Variants in ERP44 observed in about 807,000 individuals in gnomAD.
ERP44 encodes endoplasmic reticulum protein 44.
ERP44 carries 25 observed loss-of-function variants against 53.4 expected under a neutral mutation model. That is an observed-to-expected ratio of 0.47 (90% confidence interval 0.34 to 0.65). The LOEUF is 0.65. Ranked by LOEUF, ERP44 falls within the 30% of genes least tolerant of loss-of-function variation. The pLI is 0.01. For synonymous variants in ERP44, 145 were observed against 161.2 expected (o/e 0.90, Z 0.76); for missense variants, 338 against 493.2 (o/e 0.69, Z 2.98).
chr9:100,055,735 C>T (rs753156387), intron 3 of ERP44, among the ~76,000 whole-genome samples: 15 of 152,130 alleles, frequency 9.9e-5, no homozygotes, highest in Non-Finnish European at 2.2e-4. Flanking sequence ...ATATATATAC[C>T]TACTATGTTC....
At position 100,016,187 on chromosome 9, in the gene ERP44, C is replaced by T; in HGVS notation, c.762+135G>A. ...GAATCACTGGTGTATATTACAGAAACAGCTATGATATAGTTATGTTCACTA... is the reference window on the plus strand; with the variant it reads ...GAATCACTGGTGTATATTACAGAAATAGCTATGATATAGTTATGTTCACTA... On this transcript the variant is annotated intron_variant, in intron 8 of 11. Coordinates refer to ENST00000262455, the MANE Select transcript of ERP44 (RefSeq NM_015051.3). 3 of 1,319,572 alleles carry T rather than the reference C, an allele frequency of 2.3e-6. 1 individual carries two copies. In the Middle Eastern group the frequency reaches 7.1e-4, roughly 313 times the overall value. The allele number at this position is 1,319,572 out of a possible 1,614,324, so 81.7% of individuals were successfully genotyped here.
chr9:100,030,810 G>T (rs1372037015), intron 4 of ERP44, among the ~76,000 whole-genome samples: 1 of 152,170 alleles, frequency 6.6e-6, no homozygotes, highest in Non-Finnish European at 1.5e-5. Flanking sequence ...CTGAACTTTT[G>T]ATTGAGTGTC....
At position 100,098,992 on chromosome 9, in the gene ERP44, G is replaced by C. The variant is rs1429491612; in HGVS notation, c.-152C>G. 3 of 626,444 alleles carry C rather than the reference G, an allele frequency of 4.8e-6. No individual in the cohort carries two copies. Among genetic ancestry groups the C allele is most frequent in the Non-Finnish European group, 8.5e-6 (3 of 351,734 alleles). 38.8% of individuals were successfully genotyped at this position (626,444 alleles called of 1,614,324 possible). ...TCGTCCTCTCGACCCGGGCTCCAGCGGCGAACACCCGGGACAACTTCCAGA... is the reference window on the plus strand; with the variant it reads ...TCGTCCTCTCGACCCGGGCTCCAGCCGCGAACACCCGGGACAACTTCCAGA... On this transcript the variant is annotated 5_prime_UTR_variant, in exon 1 of 12. Transcript: ENST00000262455.
intron 4 of ERP44, 102 bp downstream of exon 4, chr9:100,052,310 AAAAAG>A (rs1027308750): frequency 3.8e-6 from 2 of 525,508 alleles, no homozygotes; most frequent in Non-Finnish European, 6.4e-6. Flanking sequence ...ATTTAAAAAA[AAAAAG>A]AAAAGGAAAA....
chr9:100,058,900 C>T (rs1004664645), intron 2 of ERP44, among the ~76,000 whole-genome samples: 1 of 152,168 alleles, frequency 6.6e-6, no homozygotes, highest in South Asian at 2.1e-4. Context: ...TATATACTTG[C>T]TTATTCGCTC....
At chr9:100,079,449 CACACACAG>C (rs1294857381) in intron 1 of ERP44, among the ~76,000 whole-genome samples, 2 of 150,022 alleles carry the variant, frequency 1.3e-5, no homozygotes, top group Non-Finnish European at 3.0e-5. Flanking sequence ...CACACACACA[CACACACAG>C]ACACCCTATT....
chr9:100,016,294 G>C (rs1830525000), intron 8 of ERP44, 28 bp downstream of exon 8: 1 of 1,571,854 alleles, frequency 6.4e-7, no homozygotes, highest in African/African-American at 1.4e-5. Flanking sequence ...TGAATTTAAA[G>C]TAACAATGCA....
At chr9:99,996,739 C>T (rs779846229) in intron 10 of ERP44, among the ~76,000 whole-genome samples, 1 of 152,128 alleles carries the variant, frequency 6.6e-6, no homozygotes, top group African/African-American at 2.4e-5. Flanking sequence ...GCCTTTGTGT[C>T]CTCATAGCTT....
intron 1 of ERP44, among the ~76,000 whole-genome samples, chr9:100,089,562 CAG>C (rs1826525523): frequency 8.7e-6 from 1 of 115,414 alleles, no homozygotes; most frequent in Admixed American, 1.2e-4. Context: ...GCCTGGGTGA[CAG>C]AGTGAGACTC....
intron 1 of ERP44, among the ~76,000 whole-genome samples, chr9:100,097,001 T>C (rs1826639970): frequency 6.6e-6 from 1 of 152,202 alleles, no homozygotes; most frequent in Admixed American, 6.5e-5. Context: ...TCCAATTAAA[T>C]CTAGTTTGAC....
chr9:99,998,329 T>G (rs576925877), intron 10 of ERP44: 489 of 511,222 alleles, frequency 9.6e-4, no homozygotes, highest in Admixed American at 1.5e-3. Context: ...GTTCTCAGGA[T>G]CTGTCCCCGA....
chr9:100,015,153 C>T (rs1283985434), intron 8 of ERP44, among the ~76,000 whole-genome samples: 2 of 152,206 alleles, frequency 1.3e-5, no homozygotes. Context: ...TATTAGGACA[C>T]ACAAATATTT....
intron 3 of ERP44, among the ~76,000 whole-genome samples, chr9:100,054,839 C>G (rs571238830): frequency 1.2e-4 from 18 of 152,242 alleles, no homozygotes; most frequent in African/African-American, 4.3e-4. Flanking sequence ...TGTATCCATA[C>G]ACATGGAAAT....
intron 4 of ERP44, among the ~76,000 whole-genome samples, chr9:100,048,594 T>C (rs563601803): frequency 1.3e-5 from 2 of 152,170 alleles, no homozygotes; most frequent in Non-Finnish European, 2.9e-5. Flanking sequence ...GCACCATTAT[T>C]CACAATAGCC....
At chr9:100,060,669 C>T (rs1377623388) in intron 1 of ERP44, among the ~76,000 whole-genome samples, 2 of 152,118 alleles carry the variant, frequency 1.3e-5, no homozygotes, top group East Asian at 1.9e-4. Context: ...TTGGTGACAA[C>T]AATGTGTTAC....
rs1170531120 is a variant in ERP44 at position 99,980,595 on chromosome 9, A to T, written c.*2017T>A. 6.6e-5 allele frequency: 10 copies of T among 152,228 alleles called. No individual in the cohort carries two copies. The highest frequency in any genetic ancestry group is 2.4e-4 in the African/African-American group (10 of 41,442). The allele number at this position is 152,228 out of a possible 1,614,324, so 9.4% of individuals were successfully genotyped here. A position where few individuals can be genotyped will look rare whatever the true frequency, so the allele number is the denominator to read the frequency against. On this transcript the variant is annotated 3_prime_UTR_variant, in exon 12 of 12. Coordinates refer to ENST00000262455, the MANE Select transcript of ERP44 (RefSeq NM_015051.3). Reference sequence around the variant, plus strand: ...GAGTGCTGAGCCCCTCAGGGTAAAAAAGTAACCAAGGTCACTTTGCTTCTC... The same window carrying T: ...GAGTGCTGAGCCCCTCAGGGTAAAATAGTAACCAAGGTCACTTTGCTTCTC...
rs574809268 is a variant in ERP44, at chr9:100,057,960, TAAAA to T, written c.131-105_131-102del. 5 of 868,756 alleles carry T rather than the reference TAAAA, an allele frequency of 5.8e-6. No homozygotes were observed. The African/African-American group carries it at 7.0e-5, about 12-fold the overall frequency. 53.8% of individuals were successfully genotyped at this position (868,756 alleles called of 1,614,324 possible). A position where few individuals can be genotyped will look rare whatever the true frequency, so the allele number is the denominator to read the frequency against. On this transcript the variant is annotated intron_variant, in intron 2 of 11. Transcript: ENST00000262455. ...TCTTTGTCCAATATAAGGGTCCACT[TAAAA>T]AAACACAGTAACTATTATCTCTCAC...
intron 10 of ERP44, among the ~76,000 whole-genome samples, chr9:99,996,908 C>CATATAT (rs746292113): frequency 0.011 from 247 of 22,482 alleles, 1 homozygote; most frequent in African/African-American, 0.064. Flanking sequence ...TATATATATA[C>CATATAT]ATATATATAT....
intron 4 of ERP44, among the ~76,000 whole-genome samples, chr9:100,034,267 A>G (rs1171464266): frequency 2.0e-5 from 3 of 152,196 alleles, no homozygotes; most frequent in Admixed American, 2.0e-4. Flanking sequence ...TCATTATGAT[A>G]ATTATTAATA....
Sources: gnomAD v4.1 joint callset for allele counts (sites outside exome capture counted in the v4.1 genomes callset) on GRCh38, gnomAD v4.1.1 for gene constraint, MANE v1.5 for transcripts, NCBI Gene and HGNC (gene_info 2026-07-23, HGNC 2026-07-21) for gene names.